Variants in FAM13B observed in about 807,000 individuals in gnomAD.
FAM13B encodes the protein family with sequence similarity 13 member B.
Under a neutral mutation model 117.3 loss-of-function variants are expected in FAM13B, and 60 were observed. The ratio of observed to expected loss-of-function variants is 0.51; its 90% CI spans 0.42 to 0.63. The LOEUF (loss-of-function observed/expected upper bound fraction) is 0.63, where lower values mean the gene tolerates loss of function less well. FAM13B is among the 30% of genes least tolerant of loss of function. The pLI is 0.00. For missense variants in FAM13B, 972 were observed against 1,091.9 expected (o/e 0.89, Z 1.55); for synonymous variants, 332 against 356.1 (o/e 0.93, Z 0.76).
At chr5:138,034,607 C>T (rs895105433), upstream of FAM13B, among the ~76,000 whole-genome samples, 4 of 152,040 alleles carry the variant, frequency 2.6e-5, no homozygotes, top group African/African-American at 7.3e-5. Context: ...TTGTTTTATC[C>T]GAATTAATTT....
intron 20 of FAM13B, among the ~76,000 whole-genome samples, chr5:137,944,388 G>A (rs1447352625): frequency 6.6e-6 from 1 of 152,096 alleles, no homozygotes; most frequent in Admixed American, 6.5e-5. Flanking sequence ...CAATAGCAAA[G>A]TCATGAAATC....
intron 7 of FAM13B, among the ~76,000 whole-genome samples, chr5:138,004,572 T>C (rs1439856834): frequency 6.6e-6 from 1 of 152,114 alleles, no homozygotes; most frequent in Non-Finnish European, 1.5e-5. Context: ...GGCACAAATA[T>C]GGAAGGAATT....
chr5:137,996,272 A>AC (rs1298020688), intron 7 of FAM13B, among the ~76,000 whole-genome samples: 2 of 152,002 alleles, frequency 1.3e-5, no homozygotes, highest in African/African-American at 4.8e-5. Context: ...AACAGCTGGG[A>AC]CTACAGGCGC....
At chr5:137,959,555 TTAGGG>T in intron 13 of FAM13B, 56 bp downstream of exon 13, 1 of 1,563,426 alleles carries the variant, frequency 6.4e-7, no homozygotes, top group Non-Finnish European at 8.8e-7. Flanking sequence ...TTATCATTGC[TTAGGG>T]TAATTTCGGT....
At chr5:137,954,398 T>C (rs765344919) in intron 14 of FAM13B, 22 bp from the exon 15 acceptor site, 9 of 1,592,492 alleles carry the variant, frequency 5.7e-6, no homozygotes, top group Admixed American at 3.4e-5. Flanking sequence ...ACACAAAGAA[T>C]AGTACCATGG....
intron 1 of FAM13B, among the ~76,000 whole-genome samples, chr5:138,049,604 C>T (rs1280736301): frequency 1.3e-5 from 2 of 152,142 alleles, no homozygotes; most frequent in African/African-American, 2.4e-5. Context: ...TCCATGAAAC[C>T]TCTTTTCATT....
chr5:138,008,391 G>A (rs1281062688), intron 6 of FAM13B, among the ~76,000 whole-genome samples: 2 of 152,118 alleles, frequency 1.3e-5, no homozygotes, highest in Admixed American at 6.6e-5. Flanking sequence ...GCAGAGAGAC[G>A]CGATTGTGAC....
rs188324563 is a variant in FAM13B at position 138,001,008 on chromosome 5, A to T, written c.848+5982T>A. 5.6e-4 allele frequency among the ~76,000 whole-genome samples: 86 copies of T among 152,222 alleles called. 2 individuals are homozygous for T. Among genetic ancestry groups the T allele is most frequent in the Non-Finnish European group, 1.3e-4 (9 of 68,010 alleles). ...GCAAAGAAATACTCCCTGTAGTTAA[A>T]TATTCTCAGTTTTTATTTCTAATAT... On this transcript the variant is annotated intron_variant, in intron 7 of 23. Coordinates refer to ENST00000689681, the MANE Select transcript of FAM13B (RefSeq NM_001385994.1).
At chr5:138,019,176 T>G in intron 2 of FAM13B, 30 bp from the exon 3 acceptor site, 1 of 1,566,300 alleles carries the variant, frequency 6.4e-7, no homozygotes, top group Non-Finnish European at 8.7e-7. Flanking sequence ...AAAAAAAGAC[T>G]ATAATGATTA....
At position 138,010,988 on chromosome 5, in the gene FAM13B, T is replaced by G; in HGVS notation, c.690+20A>C. Reference sequence around the variant, plus strand: ...AAAAAAAAAAAAAAAAAATTATCCCTCCAAATAGAATATTCTCACCTGTTC... The same window carrying G: ...AAAAAAAAAAAAAAAAAATTATCCCGCCAAATAGAATATTCTCACCTGTTC... On this transcript the variant is annotated intron_variant, in intron 6 of 23. Transcript: ENST00000689681. 3.2e-6 allele frequency: 4 copies of G among 1,240,594 alleles called. No homozygotes were observed. The highest frequency in any genetic ancestry group is 4.3e-6 in the Non-Finnish European group (4 of 927,270). 76.8% of individuals were successfully genotyped at this position (1,240,594 alleles called of 1,614,324 possible).
intron 7 of FAM13B, among the ~76,000 whole-genome samples, chr5:138,005,242 A>C (rs1485925337): frequency 2.0e-5 from 3 of 152,190 alleles, no homozygotes; most frequent in South Asian, 2.1e-4. Context: ...GGTCTCAAAA[A>C]ATAGTAATAA....
intron 8 of FAM13B, 59 bp downstream of exon 8, chr5:137,988,215 T>A: frequency 1.6e-6 from 2 of 1,274,452 alleles, no homozygotes; most frequent in Non-Finnish European, 2.2e-6. Flanking sequence ...TTTTCATTTC[T>A]ACAGCTTAGT....
intron 2 of FAM13B, chr5:138,019,984 T>C: frequency 1.0e-6 from 1 of 979,702 alleles, no homozygotes; most frequent in Non-Finnish European, 1.2e-6. Context: ...CGGCCTGTAA[T>C]ACATTTTTAT....
intron 4 of FAM13B, among the ~76,000 whole-genome samples, chr5:138,017,860 C>T (rs1251363288): frequency 7.9e-5 from 12 of 152,086 alleles, no homozygotes; most frequent in African/African-American, 2.2e-4. Context: ...TATTCAAAGC[C>T]TAGAATCAAA....
At chr5:137,972,714 T>C (rs1003522486) in intron 10 of FAM13B, among the ~76,000 whole-genome samples, 83 of 151,588 alleles carry the variant, frequency 5.5e-4, no homozygotes, top group African/African-American at 1.8e-3. Flanking sequence ...GAAAACCCCA[T>C]TGTCTCAGCC....
intron 7 of FAM13B, among the ~76,000 whole-genome samples, chr5:138,004,913 G>A (rs1392206518): frequency 3.9e-5 from 6 of 152,048 alleles, no homozygotes; most frequent in Non-Finnish European, 8.8e-5. Context: ...GGAGCTAATG[G>A]CCACCTTATT....
intron 4 of FAM13B, among the ~76,000 whole-genome samples, chr5:138,015,815 T>C (rs976259965): frequency 2.0e-5 from 3 of 152,228 alleles, no homozygotes; most frequent in Non-Finnish European, 4.4e-5. Flanking sequence ...TCAGATGATA[T>C]TACAACATAA....
Position 137,962,405 on chromosome 5 carries a change from C to T in FAM13B, c.1244G>A (p.Arg415Lys). The T allele has an allele frequency of 6.2e-7, 1 of 1,613,136 alleles. No individual in the cohort carries two copies. The highest frequency in any genetic ancestry group is 8.5e-7 in the Non-Finnish European group (1 of 1,179,486). ...ATTAGCAACAAGAAAAAATGCTTAC[C>T]TCTCAAGACAGCCATCTTCACTATC... ...RGDSEDGCLEREEYLLFDSDK... is the reference protein window; with the variant it reads ...RGDSEDGCLEKEEYLLFDSDK... Residue 415 changes from arginine (R) to lysine (K), a missense_variant and splice_region_variant, in exon 11 of 24, where the codon AGG becomes AAG. Physicochemically the swap from Arg to Lys is conservative, Grantham distance 26 (BLOSUM62 2). Transcript: ENST00000689681.
intron 1 of FAM13B, 25 bp from the exon 2 acceptor site, chr5:138,021,222 A>T: frequency 1.6e-6 from 2 of 1,229,284 alleles, no homozygotes; most frequent in African/African-American, 1.6e-5. Context: ...CAATTATTTC[A>T]ATTTCCCACA....
Sources: gnomAD v4.1 joint callset for allele counts (sites outside exome capture counted in the v4.1 genomes callset) on GRCh38, gnomAD v4.1.1 for gene constraint, MANE v1.5 for transcripts, NCBI Gene and HGNC (gene_info 2026-07-23, HGNC 2026-07-21) for gene names.